DCUN1D5: variants seen among roughly 807,000 people sequenced by gnomAD.
DCUN1D5 encodes DCN1-like protein 5.
A neutral mutation model predicts 38.3 loss-of-function variants in DCUN1D5; 10 were observed. The observed-to-expected ratio is 0.26, with a 90% CI of 0.16 to 0.44. The LOEUF (loss-of-function observed/expected upper bound fraction) is 0.44, where lower values mean the gene tolerates loss of function less well. Ranked by LOEUF, DCUN1D5 falls within the 20% of genes least tolerant of loss-of-function variation. The pLI is 1.00. For synonymous variants in DCUN1D5, 93 were observed against 90.9 expected, an observed-to-expected ratio of 1.02 and a Z score of -0.13; for missense variants, 148 against 275.3, an observed-to-expected ratio of 0.54 and a Z score of 3.27.
rs1389047331 is a variant in DCUN1D5, at chr11:103,091,497, G to T, written c.86+290C>A. On this transcript the variant is annotated intron_variant, in intron 1 of 7. Coordinates refer to ENST00000260247, the MANE Select transcript of DCUN1D5 (RefSeq NM_032299.4). This position sits in a 1 kb window ranked among gnomAD's most constrained non-coding sequence, Gnocchi z 4.3. ...TCGGTTGTGGGGTGGGGGTGGGGGT[G>T]GGGGGAAGCGCAATTTACATATGCA... 1 of 379,834 alleles carries T rather than the reference G, an allele frequency of 2.6e-6. No homozygotes were observed. The highest frequency in any genetic ancestry group is 2.2e-5 in the African/African-American group (1 of 44,698). 23.5% of individuals were successfully genotyped at this position (379,834 alleles called of 1,614,324 possible).
intron 4 of DCUN1D5, among the ~76,000 whole-genome samples, chr11:103,069,667 CAG>C (rs2134609701): frequency 6.6e-6 from 1 of 152,308 alleles, no homozygotes; most frequent in African/African-American, 2.4e-5. Context: ...CTATCCCTTT[CAG>C]ACAAGAAAGC....
Position 103,065,418 on chromosome 11 carries a change from A to G in DCUN1D5, c.555+851T>C, listed in dbSNP as rs769407043. 3.0e-4 allele frequency among the ~76,000 whole-genome samples: 46 copies of G among 152,164 alleles called. No individual in the cohort carries two copies. The highest frequency in any genetic ancestry group is 6.3e-4 in the Non-Finnish European group (43 of 68,018). ...GTGATCTGCCTGCCTTGGCCTCCCA[A>G]CGTGCTGGGATTACAGGCGTGTGCC... On this transcript the variant is annotated intron_variant, in intron 6 of 7. Coordinates refer to ENST00000260247, the MANE Select transcript of DCUN1D5 (RefSeq NM_032299.4). This position sits in a 1 kb window ranked among gnomAD's most constrained non-coding sequence, Gnocchi z 4.6.
intron 4 of DCUN1D5, among the ~76,000 whole-genome samples, chr11:103,082,305 A>AG (rs1565292175): frequency 6.6e-6 from 1 of 152,134 alleles, no homozygotes; most frequent in Non-Finnish European, 1.5e-5. Context: ...AAGAAATCAT[A>AG]AAAGGGTTAT....
At position 103,065,390 on chromosome 11, in the gene DCUN1D5, C is replaced by T. The variant is rs533635751; in HGVS notation, c.555+879G>A. On this transcript the variant is annotated intron_variant, in intron 6 of 7. Transcript: ENST00000260247. The surrounding 1 kb of genome is among the most constrained non-coding windows in gnomAD (Gnocchi z 4.6). ...CAGGCTGGTCTCGAACTCCTGGCCT[C>T]AAGTGATCTGCCTGCCTTGGCCTCC... Among the ~76,000 whole-genome samples the T allele has an allele frequency of 6.6e-6, 1 of 152,342 alleles. No homozygotes were observed. The highest frequency in any genetic ancestry group is 2.4e-5 in the African/African-American group (1 of 41,582).
chr11:103,089,532 T>A (rs1862800787), intron 1 of DCUN1D5, among the ~76,000 whole-genome samples: 1 of 152,184 alleles, frequency 6.6e-6, no homozygotes, highest in African/African-American at 2.4e-5. Flanking sequence ...CAAATACCTT[T>A]TCACTCAGTA....
chr11:103,075,896 G>T (rs1862396458), intron 4 of DCUN1D5, among the ~76,000 whole-genome samples: 1 of 152,154 alleles, frequency 6.6e-6, no homozygotes, highest in Admixed American at 6.5e-5. Context: ...TCACTAAGTG[G>T]TTTCTGTTAG....
rs1344666386 is a variant in DCUN1D5, at chr11:103,052,804, T to A, written c.*9555A>T. On this transcript the variant is annotated 3_prime_UTR_variant, in exon 8 of 8. Coordinates refer to ENST00000260247, the MANE Select transcript of DCUN1D5 (RefSeq NM_032299.4). Reference sequence around the variant, plus strand: ...ACTTCTTGGCTTTTTATAGAGAGAATAAAATAGAAATTCCTAAATAGAAAT... The same window carrying A: ...ACTTCTTGGCTTTTTATAGAGAGAAAAAAATAGAAATTCCTAAATAGAAAT... The A allele has an allele frequency of 1.3e-5, 2 of 152,220 alleles. No homozygotes were observed. The highest frequency in any genetic ancestry group is 6.5e-5 in the Admixed American group (1 of 15,288). 9.4% of individuals were successfully genotyped at this position (152,220 alleles called of 1,614,324 possible).
Position 103,083,406 on chromosome 11 carries a change from A to AAC in DCUN1D5, c.179-82_179-81dup, listed in dbSNP as rs907355263. 19 of 744,324 alleles carry AAC rather than the reference A, an allele frequency of 2.6e-5. No homozygotes were observed. The African/African-American group carries it at 2.8e-4, about 11-fold the overall frequency. 46.1% of individuals were successfully genotyped at this position (744,324 alleles called of 1,614,324 possible). On this transcript the variant is annotated intron_variant, in intron 2 of 7. Coordinates refer to ENST00000260247, the MANE Select transcript of DCUN1D5 (RefSeq NM_032299.4). This position sits in a 1 kb window ranked among gnomAD's most constrained non-coding sequence, Gnocchi z 4.4. The stretch of plus-strand genomic sequence containing the variant: ...AATCGTCATGCTAAAGGTACCCATG[A>AAC]ACACACCATAATATTTTGCAAATAA...
In DCUN1D5 at chr11:103,052,047, T is replaced by G. The variant is rs1213776574; in HGVS notation, c.*10312A>C. ...CTAACTCAGAAAATGCTTAGTGAGA[T>G]CTGTCTTTAATTATGAAATAATTTT... is the stretch of plus-strand genomic sequence containing the variant. On this transcript the variant is annotated 3_prime_UTR_variant, in exon 8 of 8. Coordinates refer to ENST00000260247, the MANE Select transcript of DCUN1D5 (RefSeq NM_032299.4). The G allele has an allele frequency of 6.6e-6, 1 of 152,244 alleles. No individual in the cohort carries two copies. The highest frequency in any genetic ancestry group is 1.5e-5 in the Non-Finnish European group (1 of 68,034). 9.4% of individuals were successfully genotyped at this position (152,244 alleles called of 1,614,324 possible). A position where few individuals can be genotyped will look rare whatever the true frequency, so the allele number is the denominator to read the frequency against.
chr11:103,075,507 G>A (rs558732023), intron 4 of DCUN1D5, among the ~76,000 whole-genome samples: 2 of 151,914 alleles, frequency 1.3e-5, no homozygotes, highest in African/African-American at 2.4e-5. Flanking sequence ...TCACCCTCCC[G>A]AGTAGCTGGG....
intron 4 of DCUN1D5, chr11:103,079,847 TGAAAACTACATG>T (rs1862511567): frequency 6.6e-6 from 1 of 151,734 alleles, no homozygotes; most frequent in Non-Finnish European, 1.5e-5. Flanking sequence ...TAAACAAAGA[TGAAAACTACATG>T]GAAGAATAGA....
At chr11:103,081,176 C>CT (rs752478348) in intron 4 of DCUN1D5, among the ~76,000 whole-genome samples, 2 of 152,020 alleles carry the variant, frequency 1.3e-5, no homozygotes, top group Admixed American at 6.6e-5. Context: ...AAATAAGAAA[C>CT]TTTTAGATTT....
In DCUN1D5 at chr11:103,061,475, G is replaced by A. The variant is rs747027995; in HGVS notation, c.*884C>T. 6.6e-6 allele frequency among the ~76,000 whole-genome samples: 1 copy of A among 151,604 alleles called. No individual in the cohort carries two copies. Among genetic ancestry groups the A allele is most frequent in the Non-Finnish European group, 1.5e-5 (1 of 67,900 alleles). ...AGCTGCAATACTACCAACGTAAATG[G>A]CTCTATTGAGTTGTGCACAATTAAT... On this transcript the variant is annotated 3_prime_UTR_variant, in exon 8 of 8. Coordinates refer to ENST00000260247, the MANE Select transcript of DCUN1D5 (RefSeq NM_032299.4).
chr11:103,057,441 C>T lies in DCUN1D5; in HGVS notation c.*4918G>A, dbSNP rs1313167522. Among the ~76,000 whole-genome samples, 1 of 151,880 alleles carries T rather than the reference C, an allele frequency of 6.6e-6. No homozygotes were observed. Among genetic ancestry groups the T allele is most frequent in the East Asian group, 1.9e-4 (1 of 5,198 alleles). ...ATTATTTCCCAGGAGTGGTGGCTCA[C>T]ACCTGTAATCCCAGCACTTTGGGAG... is the stretch of plus-strand genomic sequence containing the variant. On this transcript the variant is annotated 3_prime_UTR_variant, in exon 8 of 8. Transcript: ENST00000260247. This position sits in a 1 kb window ranked among gnomAD's most constrained non-coding sequence, Gnocchi z 4.8.
At chr11:103,085,747 G>A (rs1160907938) in intron 2 of DCUN1D5, among the ~76,000 whole-genome samples, 1 of 152,088 alleles carries the variant, frequency 6.6e-6, no homozygotes, top group Non-Finnish European at 1.5e-5. Context: ...TAAAACCTCT[G>A]GAGCTAAATT....
Position 103,059,352 on chromosome 11 carries a change from C to G in DCUN1D5, c.*3007G>C, listed in dbSNP as rs1861954005. ...ATCTCAGAATTTACTCCCACCCCGACCCCGAGTGATGGCATTCAATATTAA... is the reference window on the plus strand; with the variant it reads ...ATCTCAGAATTTACTCCCACCCCGAGCCCGAGTGATGGCATTCAATATTAA... On this transcript the variant is annotated 3_prime_UTR_variant, in exon 8 of 8. Transcript: ENST00000260247. Among the ~76,000 whole-genome samples, 1 of 151,984 alleles carries G rather than the reference C, an allele frequency of 6.6e-6. No homozygotes were observed. The highest frequency in any genetic ancestry group is 2.1e-4 in the South Asian group (1 of 4,824).
rs143869480 is a variant in DCUN1D5 at position 103,082,908 on chromosome 11, T to C, written c.250-69A>G. On this transcript the variant is annotated intron_variant, in intron 3 of 7. Transcript: ENST00000260247. ...GAGATAATCATGTCTATATTTATCA[T>C]GGAGAGCATTTTTACACAACTACTT... is the stretch of plus-strand genomic sequence containing the variant. The C allele has an allele frequency of 3.9e-4, 481 of 1,236,382 alleles. 1 individual carries two copies. In the African/African-American group the frequency reaches 5.6e-3, roughly 14 times the overall value. 76.6% of individuals were successfully genotyped at this position (1,236,382 alleles called of 1,614,324 possible). A position where few individuals can be genotyped will look rare whatever the true frequency, so the allele number is the denominator to read the frequency against.
At chr11:103,074,170 T>C (rs1862348736) in intron 4 of DCUN1D5, among the ~76,000 whole-genome samples, 2 of 152,166 alleles carry the variant, frequency 1.3e-5, no homozygotes, top group Admixed American at 1.3e-4. Flanking sequence ...AAAGACCTTG[T>C]TACAGGAATG....
rs1024406097 is a variant in DCUN1D5, at chr11:103,073,963, G to A, written c.342-7396C>T. Among the ~76,000 whole-genome samples the A allele has an allele frequency of 1.1e-4, 16 of 152,056 alleles. No individual in the cohort carries two copies. The highest frequency in any genetic ancestry group is 2.7e-4 in the African/African-American group (11 of 41,494). On this transcript the variant is annotated intron_variant, in intron 4 of 7. Coordinates refer to ENST00000260247, the MANE Select transcript of DCUN1D5 (RefSeq NM_032299.4). This position sits in a 1 kb window ranked among gnomAD's most constrained non-coding sequence, Gnocchi z 4.2. ...GTGGCACATGCATGTGTGGCTACTC[G>A]GGGGGCTGATGTGGGAGGATCGCTT...
Sources: allele counts gnomAD v4.1 joint callset (sites outside exome capture counted in the v4.1 genomes callset), GRCh38; gene constraint gnomAD v4.1.1; non-coding constraint Gnocchi (gnomAD v3.1); transcripts MANE v1.5; gene names NCBI Gene and HGNC (gene_info 2026-07-23, HGNC 2026-07-21).